UGT2A2: variants seen among roughly 807,000 people sequenced by gnomAD.
UGT2A2 encodes UDP glucuronosyltransferase family 2 member A2.
In UGT2A2, 60 loss-of-function variants were observed where a neutral mutation model predicts 50.7. The observed-to-expected ratio is 1.18, with a 90% confidence interval of 0.96 to 1.47. UGT2A2 has a LOEUF of 1.47. Ranked by LOEUF, UGT2A2 falls within the 40% of genes most tolerant of loss-of-function variation. UGT2A2 has a pLI of 0.00. For synonymous variants in UGT2A2, 242 were observed against 214.6 expected, an observed-to-expected ratio of 1.13 and a Z score of -1.11; for missense variants, 762 against 634.0, an observed-to-expected ratio of 1.20 and a Z score of -2.17.
chr4:69,595,017 C>T, intron 4 of UGT2A2, 145 bp downstream of exon 4: 1 of 1,188,934 alleles, frequency 8.4e-7, no homozygotes, highest in Non-Finnish European at 1.2e-6. Flanking sequence ...AATTAATGGC[C>T]AATTATGTAA....
intron 1 of UGT2A2, among the ~76,000 whole-genome samples, chr4:69,620,601 C>T (rs767460591): frequency 4.0e-5 from 6 of 150,970 alleles, no homozygotes; most frequent in East Asian, 3.9e-4. Context: ...ACTATTAATA[C>T]CATTCTTCAC....
chr4:69,634,014 G>A (rs1474369236), intron 1 of UGT2A2, among the ~76,000 whole-genome samples: 4 of 152,102 alleles, frequency 2.6e-5, no homozygotes, highest in African/African-American at 9.7e-5. Flanking sequence ...GGGAGGCCGA[G>A]GCGGGCGGAT....
intron 1 of UGT2A2, among the ~76,000 whole-genome samples, chr4:69,619,054 T>C (rs1720585365): frequency 6.6e-6 from 1 of 151,854 alleles, no homozygotes; most frequent in African/African-American, 2.4e-5. Flanking sequence ...TTTGTAAATG[T>C]AGGAATTTAT....
intron 5 of UGT2A2, among the ~76,000 whole-genome samples, chr4:69,591,909 C>G (rs1012585263): frequency 6.6e-6 from 1 of 152,124 alleles, no homozygotes; most frequent in African/African-American, 2.4e-5. Context: ...CTTGCTGAAG[C>G]TCCTAACCCA....
chr4:69,595,198 G>C lies in UGT2A2; in HGVS notation c.1075C>G (p.Gln359Glu), dbSNP rs1163322219. 1 of 1,613,836 alleles carries C rather than the reference G, an allele frequency of 6.2e-7. No individual in the cohort carries two copies. Among genetic ancestry groups the C allele is most frequent in the South Asian group, 1.1e-5 (1 of 91,074 alleles). ...TTCTGGGGTATCCAATCAAAGAGCT[G>C]AGTATTGTTTCCTAATGTGGCTGGT... ...KKPATLGNNT[Q>E]LFDWIPQNDL... The change falls in exon 4 of 6, where the codon CAG (glutamine) becomes GAG (glutamate). Residue 359 changes from glutamine (Q) to glutamate (E), a missense_variant. Physicochemically the swap from Gln to Glu is conservative, Grantham distance 29. Coordinates refer to ENST00000604629, the MANE Select transcript of UGT2A2 (RefSeq NM_001105677.2).
intron 1 of UGT2A2, among the ~76,000 whole-genome samples, chr4:69,600,426 C>G (rs1719211519): frequency 6.6e-6 from 1 of 152,130 alleles, no homozygotes; most frequent in Non-Finnish European, 1.5e-5. Flanking sequence ...CTGAGAATCA[C>G]AGTACAATTT....
At chr4:69,620,655 CAAA>C (rs57029226) in intron 1 of UGT2A2, among the ~76,000 whole-genome samples, 2 of 130,674 alleles carry the variant, frequency 1.5e-5, no homozygotes, top group African/African-American at 2.8e-5. Flanking sequence ...TATATGGAAC[CAAA>C]AAAAAAAAAG....
intron 1 of UGT2A2, among the ~76,000 whole-genome samples, chr4:69,620,954 G>A (rs1372683727): frequency 6.6e-6 from 1 of 151,968 alleles, no homozygotes; most frequent in Non-Finnish European, 1.5e-5. Flanking sequence ...GCCATATACA[G>A]AATACCAAAA....
At position 69,589,461 on chromosome 4, in the gene UGT2A2, C is replaced by T. The variant is rs758436834; in HGVS notation, c.1522G>A (p.Val508Met). The change falls in exon 6 of 6, where the codon GTG (valine) becomes ATG (methionine). Residue 508 changes from valine (V) to methionine (M), a missense_variant. Coordinates refer to ENST00000604629, the MANE Select transcript of UGT2A2 (RefSeq NM_001105677.2). Reference protein sequence around the residue: ...LDVIGFLLVCVTTAIFLVIQC... With the variant: ...LDVIGFLLVCMTTAIFLVIQC... ...ATGACCAAAAATATAGCCGTTGTCA[C>T]ACAGACCAGCAAGAACCCAATTACA... The T allele has an allele frequency of 6.2e-7, 1 of 1,614,058 alleles. No homozygotes were observed.
intron 1 of UGT2A2, among the ~76,000 whole-genome samples, chr4:69,613,903 C>T (rs1028092874): frequency 2.0e-5 from 3 of 151,952 alleles, no homozygotes; most frequent in Admixed American, 6.6e-5. Context: ...AGCCTTTCTT[C>T]TAAGATCTGG....
intron 1 of UGT2A2, among the ~76,000 whole-genome samples, chr4:69,630,133 G>GC (rs1231361549): frequency 6.6e-6 from 1 of 151,832 alleles, no homozygotes; most frequent in African/African-American, 2.4e-5. Context: ...CTAAAATACA[G>GC]CCATATGGAT....
At chr4:69,611,063 A>G (rs1356476771) in intron 1 of UGT2A2, among the ~76,000 whole-genome samples, 1 of 152,194 alleles carries the variant, frequency 6.6e-6, no homozygotes, top group Admixed American at 6.6e-5. Context: ...ATTATTTAGC[A>G]GAATAGGCAA....
intron 1 of UGT2A2, among the ~76,000 whole-genome samples, chr4:69,617,623 A>G (rs537293349): frequency 6.6e-6 from 1 of 151,922 alleles, no homozygotes; most frequent in Non-Finnish European, 1.5e-5. Flanking sequence ...AAATAATGAT[A>G]TAAATACATT....
At chr4:69,590,355 A>T (rs746174643) in intron 5 of UGT2A2, among the ~76,000 whole-genome samples, 1 of 152,234 alleles carries the variant, frequency 6.6e-6, no homozygotes, top group Non-Finnish European at 1.5e-5. Flanking sequence ...ATGGCTTCTC[A>T]AACAATATTG....
chr4:69,624,138 A>G (rs111634811), intron 1 of UGT2A2, among the ~76,000 whole-genome samples: 6 of 151,540 alleles, frequency 4.0e-5, no homozygotes, highest in African/African-American at 7.2e-5. Context: ...ATTTTCATCA[A>G]TTTACTTTCT....
intron 5 of UGT2A2, among the ~76,000 whole-genome samples, chr4:69,590,665 G>T (rs200140439): frequency 1.3e-5 from 2 of 149,640 alleles, no homozygotes; most frequent in Non-Finnish European, 3.0e-5. Context: ...GTGTGTTTGT[G>T]TGTCTGTCTG....
At chr4:69,600,942 A>C (rs1226617161) in intron 1 of UGT2A2, among the ~76,000 whole-genome samples, 1 of 152,126 alleles carries the variant, frequency 6.6e-6, no homozygotes. Context: ...CACTTCCAAC[A>C]TTGGGGATCA....
In UGT2A2 at chr4:69,626,827, T is replaced by C. The variant is rs189817047; in HGVS notation, c.742+12072A>G. Among the ~76,000 whole-genome samples the C allele has an allele frequency of 4.7e-4, 71 of 151,978 alleles. No homozygotes were observed. In the East Asian group the frequency reaches 0.011, roughly 23 times the overall value. On this transcript the variant is annotated intron_variant, in intron 1 of 5. Transcript: ENST00000604629. ...GTTCTATTCATTCATACTAATTATT[T>C]ATTTTGCTTCTCAAATTGTCCCAGA... is the stretch of plus-strand genomic sequence containing the variant.
intron 1 of UGT2A2, among the ~76,000 whole-genome samples, chr4:69,610,065 C>T (rs1719941801): frequency 6.6e-6 from 1 of 152,034 alleles, no homozygotes; most frequent in Admixed American, 6.6e-5. Flanking sequence ...TTCTGGTTTC[C>T]ATTGGAAGAA....
Sources: allele counts gnomAD v4.1 joint callset (sites outside exome capture counted in the v4.1 genomes callset), GRCh38; gene constraint gnomAD v4.1.1; transcripts MANE v1.5; gene names NCBI Gene and HGNC (gene_info 2026-07-23, HGNC 2026-07-21).